SRGAP1: variants seen among roughly 807,000 people sequenced by gnomAD.
SRGAP1 encodes SLIT-ROBO Rho GTPase activating protein 1.
In SRGAP1, 43 loss-of-function variants were observed where a neutral mutation model predicts 121.9. That is an observed-to-expected ratio of 0.35 (90% CI 0.28 to 0.46). The LOEUF is 0.46. Among genes scored for constraint, SRGAP1 ranks in the 20% least tolerant of loss-of-function variants. The pLI is 1.00. For synonymous variants in SRGAP1, 447 were observed against 485.4 expected, an observed-to-expected ratio of 0.92 and a Z score of 1.04; for missense variants, 1,102 against 1,350.9, an observed-to-expected ratio of 0.82 and a Z score of 2.89.
chr12:63,979,995 C>T (rs111980260), intron 1 of SRGAP1, among the ~76,000 whole-genome samples: 15 of 152,336 alleles, frequency 9.8e-5, no homozygotes, highest in Admixed American at 2.0e-4. Context: ...CAGCCGCCTG[C>T]GGCCCCATGG....
intron 1 of SRGAP1, among the ~76,000 whole-genome samples, chr12:63,930,350 AAAG>A (rs60261138): frequency 0.011 from 1,609 of 148,672 alleles, 17 homozygotes; most frequent in African/African-American, 0.039. Context: ...AAAAAAAAAA[AAAG>A]GGGAGCCCTC....
intron 11 of SRGAP1, among the ~76,000 whole-genome samples, chr12:64,089,676 G>A (rs1030261100): frequency 6.6e-6 from 1 of 152,166 alleles, no homozygotes; most frequent in Non-Finnish European, 1.5e-5. Context: ...AATTTCATCC[G>A]TGGCAGGAGA....
Position 64,046,868 on chromosome 12 carries a change from A to G in SRGAP1, c.801+3293A>G, listed in dbSNP as rs150474930. ...GTAACAGGCAGCATAATCTCATTGA[A>G]TCATCACAACACTCTGACATAAATA... On this transcript the variant is annotated intron_variant, in intron 6 of 21. Coordinates refer to ENST00000355086, the MANE Select transcript of SRGAP1 (RefSeq NM_020762.4). Among the ~76,000 whole-genome samples, 534 of 152,244 alleles carry G rather than the reference A, an allele frequency of 3.5e-3. 2 individuals are homozygous for G. The highest frequency in any genetic ancestry group is 5.3e-3 in the Non-Finnish European group (361 of 68,008).
chr12:63,930,469 G>T (rs1201905130), intron 1 of SRGAP1, among the ~76,000 whole-genome samples: 1 of 151,556 alleles, frequency 6.6e-6, no homozygotes, highest in Non-Finnish European at 1.5e-5. Context: ...ATAAAACATA[G>T]GAACTTTTAA....
intron 3 of SRGAP1, among the ~76,000 whole-genome samples, chr12:63,998,326 A>T (rs1231557237): frequency 6.6e-6 from 1 of 152,196 alleles, no homozygotes; most frequent in Non-Finnish European, 1.5e-5. Flanking sequence ...TTTCAGCAAG[A>T]CCCAGCATTA....
At chr12:63,958,736 A>G (rs916107944) in intron 1 of SRGAP1, among the ~76,000 whole-genome samples, 1 of 152,184 alleles carries the variant, frequency 6.6e-6, no homozygotes, top group East Asian at 1.9e-4. Flanking sequence ...CAAAATCCCA[A>G]TGATGAATTG....
intron 10 of SRGAP1, among the ~76,000 whole-genome samples, chr12:64,086,175 A>G (rs1166231461): frequency 2.0e-5 from 3 of 152,196 alleles, no homozygotes; most frequent in Non-Finnish European, 4.4e-5. Flanking sequence ...TATATTTTCA[A>G]GCTGTTTCAG....
At chr12:64,055,067 C>T (rs2035314345) in intron 6 of SRGAP1, among the ~76,000 whole-genome samples, 1 of 151,566 alleles carries the variant, frequency 6.6e-6, no homozygotes, top group South Asian at 2.1e-4. Context: ...CAAATTGTCC[C>T]TGTTTGCAGA....
intron 1 of SRGAP1, among the ~76,000 whole-genome samples, chr12:63,864,277 T>C (rs935982024): frequency 2.0e-5 from 3 of 152,226 alleles, no homozygotes; most frequent in Non-Finnish European, 4.4e-5. Flanking sequence ...CCTTGTGCAC[T>C]GTGAAACAGA....
intron 1 of SRGAP1, among the ~76,000 whole-genome samples, chr12:63,957,036 A>G (rs1167721166): frequency 3.3e-5 from 5 of 152,178 alleles, no homozygotes; most frequent in Non-Finnish European, 4.4e-5. Flanking sequence ...ATGTTGTAGC[A>G]TGTACCAGTA....
At position 64,158,369 on chromosome 12, in the gene SRGAP1, A is replaced by G. The variant is rs2037181968; in HGVS notation, c.*15697A>G. The G allele has an allele frequency of 6.6e-6, 1 of 152,254 alleles. No homozygotes were observed. The highest frequency in any genetic ancestry group is 1.5e-5 in the Non-Finnish European group (1 of 68,040). The allele number at this position is 152,254 out of a possible 1,614,324, so 9.4% of individuals were successfully genotyped here. Reference sequence around the variant, plus strand: ...CATGGATTGTGATTTCAAGTATATGAAAAGTTTAAGACCCAATTGCTTTTG... The same window carrying G: ...CATGGATTGTGATTTCAAGTATATGGAAAGTTTAAGACCCAATTGCTTTTG... On this transcript the variant is annotated 3_prime_UTR_variant, in exon 22 of 22. Transcript: ENST00000355086.
chr12:64,010,174 TTC>T (rs2034209736), intron 3 of SRGAP1, among the ~76,000 whole-genome samples: 2 of 152,164 alleles, frequency 1.3e-5, no homozygotes, highest in African/African-American at 4.8e-5. Flanking sequence ...AATCTGGTTT[TTC>T]TCTTTCTCTT....
At chr12:63,906,232 G>A (rs1224539122) in intron 1 of SRGAP1, among the ~76,000 whole-genome samples, 1 of 152,092 alleles carries the variant, frequency 6.6e-6, no homozygotes, top group Non-Finnish European at 1.5e-5. Context: ...TTTAATTGCT[G>A]ATTAGTATCT....
chr12:64,046,815 T>C (rs775631549), intron 6 of SRGAP1, among the ~76,000 whole-genome samples: 80 of 152,190 alleles, frequency 5.3e-4, no homozygotes, highest in Non-Finnish European at 1.0e-3. Flanking sequence ...ACCATCATTG[T>C]CATGGATATT....
chr12:63,961,412 G>T (rs1190847036), intron 1 of SRGAP1, among the ~76,000 whole-genome samples: 1 of 152,306 alleles, frequency 6.6e-6, no homozygotes, highest in Admixed American at 6.5e-5. Flanking sequence ...TCCTCACTGT[G>T]CAGGGCCTTG....
chr12:63,934,477 T>C (rs1051355192), intron 1 of SRGAP1, among the ~76,000 whole-genome samples: 1 of 152,234 alleles, frequency 6.6e-6, no homozygotes, highest in Admixed American at 6.5e-5. Flanking sequence ...TCAGAGTCCT[T>C]CTTTCCTCTG....
intron 2 of SRGAP1, among the ~76,000 whole-genome samples, chr12:63,985,319 C>A (rs2033385461): frequency 6.6e-6 from 1 of 152,124 alleles, no homozygotes; most frequent in African/African-American, 2.4e-5. Flanking sequence ...AGCAGGTTTG[C>A]AGAACAGAAG....
At chr12:63,967,298 C>T (rs541323616) in intron 1 of SRGAP1, among the ~76,000 whole-genome samples, 1 of 152,206 alleles carries the variant, frequency 6.6e-6, no homozygotes, top group Admixed American at 6.5e-5. Flanking sequence ...AAAACTTAGC[C>T]ACATGTGATG....
intron 1 of SRGAP1, among the ~76,000 whole-genome samples, chr12:63,908,154 GTTCTT>G (rs1190805931): frequency 6.7e-6 from 1 of 150,324 alleles, no homozygotes; most frequent in Non-Finnish European, 1.5e-5. Context: ...CTTTAACTTT[GTTCTT>G]TTCAAGATTT....
Sources: gnomAD v4.1 joint callset for allele counts (sites outside exome capture counted in the v4.1 genomes callset) on GRCh38, gnomAD v4.1.1 for gene constraint, MANE v1.5 for transcripts, NCBI Gene and HGNC (gene_info 2026-07-23, HGNC 2026-07-21) for gene names.